The following MFAP1 variants were observed in gnomAD, a reference collection of about 807,000 sequenced individuals.
MFAP1 encodes the protein microfibrillar-associated protein 1.
Under a neutral mutation model 62.2 loss-of-function variants are expected in MFAP1, and 18 were observed. The observed-to-expected ratio is 0.29, with a 90% confidence interval of 0.20 to 0.43. MFAP1 has a LOEUF of 0.43. Among genes scored for constraint, MFAP1 ranks in the 20% least tolerant of loss-of-function variants. The pLI is 1.00. For synonymous variants in MFAP1, 175 were observed against 180.4 expected (o/e 0.97, Z 0.24); for missense variants, 355 against 559.7 (o/e 0.63, Z 3.69).
chr15:43,810,339 C>T (rs1239747228), intron 6 of MFAP1, among the ~76,000 whole-genome samples: 1 of 150,236 alleles, frequency 6.7e-6, no homozygotes, highest in East Asian at 1.9e-4. Flanking sequence ...AGATTACCAT[C>T]ATTAATTAGA....
At chr15:43,821,011 G>A (rs1183329633) in intron 1 of MFAP1, among the ~76,000 whole-genome samples, 1 of 152,024 alleles carries the variant, frequency 6.6e-6, no homozygotes, top group African/African-American at 2.4e-5. Context: ...GCTAAAGTGA[G>A]CCTCCCTCTT....
intron 1 of MFAP1, among the ~76,000 whole-genome samples, chr15:43,818,090 G>A (rs1025114581): frequency 2.6e-5 from 4 of 151,212 alleles, no homozygotes; most frequent in African/African-American, 9.7e-5. Flanking sequence ...CGTGGTCTCG[G>A]CTCACTGCAA....
chr15:43,812,496 G>T (rs1035106587), intron 6 of MFAP1, among the ~76,000 whole-genome samples: 5 of 152,246 alleles, frequency 3.3e-5, no homozygotes, highest in African/African-American at 1.2e-4. Flanking sequence ...GATAAGTGAG[G>T]TATCCTAACT....
At chr15:43,815,725 C>G (rs1245676973) in intron 2 of MFAP1, among the ~76,000 whole-genome samples, 2 of 152,030 alleles carry the variant, frequency 1.3e-5, no homozygotes, top group African/African-American at 4.8e-5. Flanking sequence ...CTCCACCTCC[C>G]AGGTTCAAGT....
chr15:43,814,635 A>AT lies in MFAP1; in HGVS notation c.482dup (p.Asn161LysfsTer2). On this transcript the variant is annotated frameshift_variant, in exon 4 of 9. Coordinates refer to ENST00000267812, the MANE Select transcript of MFAP1 (RefSeq NM_005926.3). LOFTEE classifies it high-confidence loss of function. The stretch of plus-strand genomic sequence containing the variant: ...CCACTTCCATGACTTCCATCTCTTC[A>AT]TTTTTTCTCTCCTGTGCTCGCTGAC... The AT allele has an allele frequency of 6.2e-7, 1 of 1,613,364 alleles. No individual in the cohort carries two copies. The highest frequency in any genetic ancestry group is 8.5e-7 in the Non-Finnish European group (1 of 1,179,932).
At chr15:43,817,004 T>C (rs1198718139) in intron 2 of MFAP1, among the ~76,000 whole-genome samples, 1 of 152,240 alleles carries the variant, frequency 6.6e-6, no homozygotes, top group East Asian at 1.9e-4. Flanking sequence ...TTCCTGAAGC[T>C]GCCACTTTGT....
intron 4 of MFAP1, among the ~76,000 whole-genome samples, chr15:43,813,785 C>T (rs1430950435): frequency 6.6e-6 from 1 of 151,740 alleles, no homozygotes; most frequent in Non-Finnish European, 1.5e-5. Flanking sequence ...GCTGGGATTA[C>T]AGTCGTGAGC....
intron 6 of MFAP1, 88 bp from the exon 7 acceptor site, chr15:43,810,002 A>C: frequency 6.8e-7 from 1 of 1,465,616 alleles, no homozygotes; most frequent in South Asian, 1.2e-5. Context: ...TGTCATTTCA[A>C]GTATTAGTCA....
At chr15:43,811,800 G>A (rs1415530455) in intron 6 of MFAP1, among the ~76,000 whole-genome samples, 2 of 151,930 alleles carry the variant, frequency 1.3e-5, no homozygotes, top group East Asian at 3.9e-4. Context: ...GAGCCATCAC[G>A]CCCAGCCTAG....
At chr15:43,813,508 CTTTTT>C (rs10709037) in intron 4 of MFAP1, 151 bp from the exon 5 acceptor site, 1,737 of 247,236 alleles carry the variant, frequency 7.0e-3, no homozygotes, top group East Asian at 0.014. Flanking sequence ...CATCCCAGGT[CTTTTT>C]TTTTTTTTTT....
rs774083697 is a variant in MFAP1 at position 43,813,264 on chromosome 15, G to A, written c.711C>T (p.Arg237=). The A allele has an allele frequency of 6.2e-7, 1 of 1,613,622 alleles. No homozygotes were observed. The highest frequency in any genetic ancestry group is 8.5e-7 in the Non-Finnish European group (1 of 1,179,944). Residue 237 remains arginine, a synonymous_variant, in exon 5 of 9, where the codon CGC becomes CGT. Transcript: ENST00000267812. ...TCCCCAGTACCTTGAGTGTGTACTT[G>A]CGCCTTTCCTCAGCCATGCGTTTTG... ...QEAKRMAEER[R]KYTLKIVEEE...
intron 4 of MFAP1, 45 bp from the exon 5 acceptor site, chr15:43,813,402 G>C (rs892338501): frequency 2.6e-6 from 4 of 1,559,310 alleles, no homozygotes; most frequent in Non-Finnish European, 2.6e-6. Flanking sequence ...CCTTAGAGTG[G>C]AGTGCTTTGT....
chr15:43,817,526 A>C (rs1215491978), intron 1 of MFAP1, 78 bp from the exon 2 acceptor site: 3 of 1,404,224 alleles, frequency 2.1e-6, no homozygotes, highest in Non-Finnish European at 3.0e-6. Flanking sequence ...TTGCAAATAG[A>C]GCCCTTTATT....
chr15:43,808,213 CAATT>C (rs895636519), intron 7 of MFAP1, among the ~76,000 whole-genome samples: 1 of 152,180 alleles, frequency 6.6e-6, no homozygotes, highest in African/African-American at 2.4e-5. Context: ...TTTTTAAAAA[CAATT>C]TATTTTGAGA....
chr15:43,812,699 A>G (rs2087409436), intron 6 of MFAP1, among the ~76,000 whole-genome samples: 1 of 152,236 alleles, frequency 6.6e-6, no homozygotes, highest in African/African-American at 2.4e-5. Flanking sequence ...TGGGTTGTAC[A>G]CAAGAAGAGA....
intron 6 of MFAP1, chr15:43,810,233 A>G (rs1596055621): frequency 4.1e-6 from 1 of 242,682 alleles, no homozygotes; most frequent in East Asian, 8.4e-5. Context: ...AAAAAAAAAA[A>G]AATCAGTGAA....
intron 7 of MFAP1, 87 bp from the exon 8 acceptor site, chr15:43,805,552 C>T: frequency 1.0e-6 from 1 of 1,000,682 alleles, no homozygotes; most frequent in Non-Finnish European, 1.5e-6. Context: ...ATAAGGGATA[C>T]AGAGAAAGCA....
intron 1 of MFAP1, among the ~76,000 whole-genome samples, chr15:43,818,730 A>C (rs1335926402): frequency 3.3e-5 from 5 of 151,460 alleles, no homozygotes; most frequent in Non-Finnish European, 5.9e-5. Context: ...TACTAAAAAC[A>C]AAAAAAATTA....
chr15:43,823,955 C>T (rs943395659), intron 1 of MFAP1, among the ~76,000 whole-genome samples: 4 of 152,040 alleles, frequency 2.6e-5, no homozygotes, highest in Non-Finnish European at 4.4e-5. Flanking sequence ...GGACTGTATC[C>T]CGCACAATGC....
Sources: gnomAD v4.1 joint callset for allele counts (sites outside exome capture counted in the v4.1 genomes callset) on GRCh38, gnomAD v4.1.1 for gene constraint, MANE v1.5 for transcripts, NCBI Gene and HGNC (gene_info 2026-07-23, HGNC 2026-07-21) for gene names.